Variants in CD244 observed in about 807,000 individuals in gnomAD.
CD244 encodes natural killer cell receptor 2B4.
A neutral mutation model predicts 45.5 loss-of-function variants in CD244; 20 were observed. The ratio of observed to expected loss-of-function variants is 0.44; its 90% CI spans 0.31 to 0.64. The LOEUF (loss-of-function observed/expected upper bound fraction) is 0.64. Ranked by LOEUF, CD244 falls within the 30% of genes least tolerant of loss-of-function variation. CD244 has a pLI of 0.08. For synonymous variants in CD244, 185 were observed against 160.5 expected (o/e 1.15, Z -1.15); for missense variants, 407 against 426.9 (o/e 0.95, Z 0.41).
chr1:160,841,281 T>C lies in CD244; in HGVS notation c.584A>G (p.Asn195Ser). Reference sequence around the variant, plus strand: ...TTCCCAGCTAACAGGATTGCTGACATTGCAGGTATATGTGTGAGTGCCATT... The same window carrying C: ...TTCCCAGCTAACAGGATTGCTGACACTGCAGGTATATGTGTGAGTGCCATT... ...DINGTHTYTC[N>S]VSNPVSWESH... is the part of the protein sequence containing the mutation. Residue 195 changes from asparagine (N) to serine (S), a missense_variant, in exon 3 of 9, where the codon AAT becomes AGT. Transcript: ENST00000368034. 6.2e-7 allele frequency: 1 copy of C among 1,614,178 alleles called. No individual in the cohort carries two copies. The highest frequency in any genetic ancestry group is 8.5e-7 in the Non-Finnish European group (1 of 1,180,020).
chr1:160,847,136 A>T (rs888913480), intron 1 of CD244, among the ~76,000 whole-genome samples: 2 of 152,146 alleles, frequency 1.3e-5, no homozygotes, highest in African/African-American at 2.4e-5. Context: ...ATCATTATAA[A>T]AGAACCAATT....
chr1:160,840,718 G>A (rs1669510388), intron 3 of CD244, among the ~76,000 whole-genome samples: 1 of 152,120 alleles, frequency 6.6e-6, no homozygotes. Context: ...GTTGTGGAAC[G>A]GTAACTCAGG....
At chr1:160,833,396 T>A (rs1464242832) in intron 7 of CD244, among the ~76,000 whole-genome samples, 13 of 152,188 alleles carry the variant, frequency 8.5e-5, no homozygotes, top group Non-Finnish European at 1.5e-5. Context: ...GCTTTCTGGC[T>A]TCACACTGTG....
In CD244 at chr1:160,859,990, T is replaced by G. The variant is rs184954524; in HGVS notation, c.61+2627A>C. ...GAGAGGCGGAGGTGGGTGGATCACT[T>G]GAGGTCAGGAGTTTAAGACCAGCCT... On this transcript the variant is annotated intron_variant, in intron 1 of 8. Coordinates refer to ENST00000368034, the MANE Select transcript of CD244 (RefSeq NM_016382.4). 1.3e-3 allele frequency among the ~76,000 whole-genome samples: 202 copies of G among 152,028 alleles called. 1 individual carries two copies. Among genetic ancestry groups the G allele is most frequent in the Non-Finnish European group, 2.1e-3 (140 of 67,980 alleles).
intron 3 of CD244, among the ~76,000 whole-genome samples, chr1:160,839,903 A>C (rs911219420): frequency 6.6e-6 from 1 of 152,102 alleles, no homozygotes; most frequent in African/African-American, 2.4e-5. Flanking sequence ...TTGAACTTCT[A>C]CTTAAAAGAT....
At chr1:160,835,947 T>C (rs1360297444) in intron 6 of CD244, among the ~76,000 whole-genome samples, 1 of 152,214 alleles carries the variant, frequency 6.6e-6, no homozygotes, top group Non-Finnish European at 1.5e-5. Flanking sequence ...AGACTTTATC[T>C]GGGCCAGACC....
At chr1:160,836,308 T>C in intron 5 of CD244, 54 bp from the exon 6 acceptor site, 4 of 1,419,928 alleles carry the variant, frequency 2.8e-6, no homozygotes, top group South Asian at 1.2e-5. Context: ...TCTGTCCAGA[T>C]TTAGATTGAG....
rs2101872319 is a variant in CD244 at position 160,841,298 on chromosome 1, A to C, written c.567T>G (p.Thr189=). 1.9e-6 allele frequency: 3 copies of C among 1,614,168 alleles called. No individual in the cohort carries two copies. The highest frequency in any genetic ancestry group is 2.5e-6 in the Non-Finnish European group (3 of 1,180,004). The change falls in exon 3 of 9, where the codon ACT becomes ACG. Residue 189 remains threonine, a synonymous_variant. Transcript: ENST00000368034. ...YLDEEVDING[T]HTYTCNVSNP... The stretch of plus-strand genomic sequence containing the variant: ...TGCTGACATTGCAGGTATATGTGTG[A>C]GTGCCATTAATGTCAACCTCCTCGT...
At chr1:160,845,419 A>G (rs1427311980) in intron 1 of CD244, among the ~76,000 whole-genome samples, 1 of 152,218 alleles carries the variant, frequency 6.6e-6, no homozygotes, top group East Asian at 1.9e-4. Flanking sequence ...CAAAACCCCT[A>G]AACTAAGTGT....
chr1:160,839,128 G>C, intron 3 of CD244, 79 bp from the exon 4 acceptor site: 2 of 998,750 alleles, frequency 2.0e-6, no homozygotes, highest in Non-Finnish European at 3.0e-6. Context: ...TGCAGGGGCT[G>C]CCTCAAAACC....
chr1:160,849,729 G>A (rs1426327725), intron 1 of CD244, among the ~76,000 whole-genome samples: 1 of 152,166 alleles, frequency 6.6e-6, no homozygotes, highest in Non-Finnish European at 1.5e-5. Flanking sequence ...ATAAAAATTA[G>A]AAATGAATAT....
chr1:160,838,018 C>T (rs867138881), intron 5 of CD244, among the ~76,000 whole-genome samples: 2 of 152,214 alleles, frequency 1.3e-5, no homozygotes, highest in African/African-American at 4.8e-5. Context: ...GTGAATGCAG[C>T]CTATTGAGCC....
In CD244 at chr1:160,832,393, A is replaced by G. The variant is rs111682481; in HGVS notation, c.1017+126T>C. On this transcript the variant is annotated intron_variant, in intron 8 of 8. Coordinates refer to ENST00000368034, the MANE Select transcript of CD244 (RefSeq NM_016382.4). ...CTCTAAAACAAAGACTTGCATTAGAAGATCTCTAAATTCCCTACAACTCTG... is the reference window on the plus strand; with the variant it reads ...CTCTAAAACAAAGACTTGCATTAGAGGATCTCTAAATTCCCTACAACTCTG... 1,641 of 660,668 alleles carry G rather than the reference A, an allele frequency of 2.5e-3. 30 individuals carry two copies. The African/African-American group carries it at 0.026, about 10-fold the overall frequency. The allele number at this position is 660,668 out of a possible 1,614,324, so 40.9% of individuals were successfully genotyped here. A position where few individuals can be genotyped will look rare whatever the true frequency, so the allele number is the denominator to read the frequency against.
chr1:160,835,818 T>G (rs908313980), intron 6 of CD244, among the ~76,000 whole-genome samples: 2 of 152,236 alleles, frequency 1.3e-5, no homozygotes, highest in African/African-American at 4.8e-5. Context: ...GATTCATTCT[T>G]TCCTGAAAAC....
At position 160,838,943 on chromosome 1, in the gene CD244, C is replaced by T; in HGVS notation, c.762G>A (p.Gln254=). ...CCCTAAGGACCTTCCACTCACCTGA[C>T]TGCTTCTCCTTCCTCTTTCTCCTCC... The part of the protein sequence containing the change: ...CVWRRKRKEK[Q]SETSPKEFLT... The change falls in exon 4 of 9, where the codon CAG becomes CAA. Residue 254 remains glutamine (Q), a synonymous_variant. Coordinates refer to ENST00000368034, the MANE Select transcript of CD244 (RefSeq NM_016382.4). 6.2e-7 allele frequency: 1 copy of T among 1,611,206 alleles called. No homozygotes were observed. Among genetic ancestry groups the T allele is most frequent in the Non-Finnish European group, 8.5e-7 (1 of 1,177,702 alleles).
At chr1:160,839,172 G>T in intron 3 of CD244, 123 bp from the exon 4 acceptor site, 1 of 652,464 alleles carries the variant, frequency 1.5e-6, no homozygotes, top group Non-Finnish European at 2.7e-6. Context: ...ATTGCCTCGT[G>T]CTCTGAGAAC....
At chr1:160,848,412 G>C in intron 1 of CD244, 1 of 554,782 alleles carries the variant, frequency 1.8e-6, no homozygotes, top group Non-Finnish European at 3.5e-6. Context: ...TTGAAAGGGG[G>C]CATGAATATT....
In CD244 at chr1:160,831,300, C is replaced by T; in HGVS notation, c.*47G>A. Reference sequence around the variant, plus strand: ...GTGCCGTCATCCACTGTGCCAATTCCCAAAGCAGATGCTGATGTGCAAGAA... The same window carrying T: ...GTGCCGTCATCCACTGTGCCAATTCTCAAAGCAGATGCTGATGTGCAAGAA... On this transcript the variant is annotated 3_prime_UTR_variant, in exon 9 of 9. Coordinates refer to ENST00000368034, the MANE Select transcript of CD244 (RefSeq NM_016382.4). The T allele has an allele frequency of 6.9e-7, 1 of 1,448,854 alleles. No homozygotes were observed. Among genetic ancestry groups the T allele is most frequent in the East Asian group, 2.3e-5 (1 of 44,078 alleles). The allele number at this position is 1,448,854 out of a possible 1,614,324, so 89.7% of individuals were successfully genotyped here.
intron 6 of CD244, among the ~76,000 whole-genome samples, chr1:160,834,789 T>G (rs1190470728): frequency 6.6e-6 from 1 of 152,154 alleles, no homozygotes; most frequent in Non-Finnish European, 1.5e-5. Flanking sequence ...AACCCAAGAC[T>G]CTCCAGGGCT....
Sources: gnomAD v4.1 joint callset for allele counts (sites outside exome capture counted in the v4.1 genomes callset) on GRCh38, gnomAD v4.1.1 for gene constraint, MANE v1.5 for transcripts, NCBI Gene and HGNC (gene_info 2026-07-23, HGNC 2026-07-21) for gene names.